The following TP53I13 variants were observed in gnomAD, a reference collection of about 807,000 sequenced individuals.
TP53I13 encodes tumor protein p53 inducible protein 13.
In TP53I13, 27 loss-of-function variants were observed where a neutral mutation model predicts 39.1. The observed-to-expected ratio is 0.69, with a 90% confidence interval of 0.51 to 0.95. The LOEUF (loss-of-function observed/expected upper bound fraction) is 0.95, where lower values mean the gene tolerates loss of function less well. Among genes scored for constraint, TP53I13 ranks in the 40% least tolerant of loss-of-function variants. The pLI is 0.00. For missense variants in TP53I13, 544 were observed against 520.4 expected, an observed-to-expected ratio of 1.05 and a Z score of -0.44; for synonymous variants, 230 against 224.6, an observed-to-expected ratio of 1.02 and a Z score of -0.22.
downstream of TP53I13, chr17:29,576,556 C>A (rs1164795361): frequency 7.4e-6 from 12 of 1,614,004 alleles, no homozygotes; most frequent in Non-Finnish European, 1.0e-5. Context: ...GTCGCTCAGG[C>A]TACTGTTGAC....
In TP53I13 at chr17:29,568,728, G is replaced by A. The variant is rs2032800321; in HGVS notation, c.-31G>A. ...GCGCTCCCTCGCTGGCGGAGCGGCT[G>A]GGCGGCGGGCCGGGCCCGGGGCCGC... On this transcript the variant is annotated 5_prime_UTR_variant, in exon 1 of 7. Transcript: ENST00000301057. This position sits in a 1 kb window ranked among gnomAD's most constrained non-coding sequence, Gnocchi z 4.5. 2 of 1,441,894 alleles carry A rather than the reference G, an allele frequency of 1.4e-6. No homozygotes were observed. Among genetic ancestry groups the A allele is most frequent in the Non-Finnish European group, 1.8e-6 (2 of 1,102,184 alleles). The allele number at this position is 1,441,894 out of a possible 1,614,324, so 89.3% of individuals were successfully genotyped here.
At chr17:29,575,535 G>A, downstream of TP53I13, 8 of 1,563,742 alleles carry the variant, frequency 5.1e-6, no homozygotes, top group Non-Finnish European at 7.0e-6. This position sits in a 1 kb window ranked among gnomAD's most constrained non-coding sequence, Gnocchi z 5.5. Flanking sequence ...TCCAGCCTCG[G>A]AGCCGCCCGC....
At chr17:29,570,569 A>T (rs1445765290) in intron 3 of TP53I13, 2 of 151,788 alleles carry the variant, frequency 1.3e-5, no homozygotes, top group African/African-American at 4.8e-5. Flanking sequence ...GCCACCTATC[A>T]GATTCCTTTC....
chr17:29,577,165 T>G, downstream of TP53I13: 1 of 1,613,920 alleles, frequency 6.2e-7, no homozygotes, highest in African/African-American at 1.3e-5. Context: ...CTTGCCCTGC[T>G]GTCTCCGCTT....
chr17:29,569,511 G>GCCCAGGACAGATCAGC, intron 3 of TP53I13, 152 bp downstream of exon 3: 7 of 686,838 alleles, frequency 1.0e-5, no homozygotes, highest in Non-Finnish European at 1.7e-5. Context: ...CCACCTCCAA[G>GCCCAGGACAGATCAGC]CCCAGGACAG....
chr17:29,577,541 T>C (rs2033255118), downstream of TP53I13: 3 of 810,344 alleles, frequency 3.7e-6, no homozygotes, highest in Non-Finnish European at 6.5e-6. Flanking sequence ...AGGGAGGCCC[T>C]GGCAAATGCT....
At chr17:29,574,984 CTG>C (rs1343782815), downstream of TP53I13, 8 of 1,488,390 alleles carry the variant, frequency 5.4e-6, no homozygotes, top group African/African-American at 5.6e-5. Flanking sequence ...CCCAGTTTGT[CTG>C]TGTCTCCACC....
downstream of TP53I13, chr17:29,576,793 G>A (rs2033221499): frequency 6.3e-7 from 1 of 1,576,126 alleles, no homozygotes; most frequent in Non-Finnish European, 8.6e-7. Context: ...GCTACAAGAG[G>A]ACAGAGCTGG....
At chr17:29,578,634 A>T in the TP53I13 span, 1 of 1,130,070 alleles carries the variant, frequency 8.8e-7, no homozygotes, top group Non-Finnish European at 1.4e-6. Context: ...GACTTGGAAA[A>T]GGTCATCGAG....
Position 29,568,777 on chromosome 17 carries a change from T to A in TP53I13, c.19T>A (p.Ser7Thr). Residue 7 changes from serine (S) to threonine (T), a missense_variant, in exon 1 of 7, where the codon TCG becomes ACG. By Grantham distance (58) the Ser-to-Thr change is moderately conservative. Coordinates refer to ENST00000301057, the MANE Select transcript of TP53I13 (RefSeq NM_138349.4). The surrounding 1 kb of genome is among the most constrained non-coding windows in gnomAD (Gnocchi z 4.5). Reference sequence around the variant, plus strand: ...GCTTGGAATGGCGCCTCCTCCGCCTTCGCCCCAACTGCTTCTCCTGGCAGC... The same window carrying A: ...GCTTGGAATGGCGCCTCCTCCGCCTACGCCCCAACTGCTTCTCCTGGCAGC... MAPPPP[S>T]PQLLLLAALA... The A allele has an allele frequency of 6.3e-7, 1 of 1,594,768 alleles. No homozygotes were observed. The highest frequency in any genetic ancestry group is 8.5e-7 in the Non-Finnish European group (1 of 1,177,898).
At chr17:29,578,998 G>A in the TP53I13 span, 2 of 1,613,738 alleles carry the variant, frequency 1.2e-6, no homozygotes, top group Non-Finnish European at 1.7e-6. Flanking sequence ...TCTAAGTCCA[G>A]AGGAAGGCAG....
chr17:29,567,153 C>G (rs910632563), upstream of TP53I13: 1 of 248,286 alleles, frequency 4.0e-6, no homozygotes, highest in African/African-American at 2.3e-5. The surrounding 1 kb of genome is among the most constrained non-coding windows in gnomAD (Gnocchi z 6.6). Flanking sequence ...GCCCGCCCCC[C>G]ACCCCCGCCC....
rs1598558370 is a variant in TP53I13, at chr17:29,573,140, T to A, written c.*216T>A. On this transcript the variant is annotated 3_prime_UTR_variant, in exon 7 of 7. Coordinates refer to ENST00000301057, the MANE Select transcript of TP53I13 (RefSeq NM_138349.4). ...CCCTTGCCAAAACTCCGTTTCTAATTAAATTATTTTTAGTAGACTCTGGAG... is the reference window on the plus strand; with the variant it reads ...CCCTTGCCAAAACTCCGTTTCTAATAAAATTATTTTTAGTAGACTCTGGAG... The A allele has an allele frequency of 7.1e-6, 3 of 423,612 alleles. No homozygotes were observed. In the East Asian group the frequency reaches 1.2e-4, roughly 16 times the overall value. The allele number at this position is 423,612 out of a possible 1,614,324, so 26.2% of individuals were successfully genotyped here.
downstream of TP53I13, chr17:29,575,274 C>A (rs772732892): frequency 1.9e-6 from 3 of 1,603,990 alleles, no homozygotes; most frequent in South Asian, 2.2e-5. The surrounding 1 kb of genome is among the most constrained non-coding windows in gnomAD (Gnocchi z 5.5). Flanking sequence ...CTCACCTCCC[C>A]CTCCACTCAG....
chr17:29,580,294 A>C, the TP53I13 span, among the ~76,000 whole-genome samples: 1 of 152,232 alleles, frequency 6.6e-6, no homozygotes. Flanking sequence ...ATGCACACAC[A>C]ACCCAGGTAG....
At chr17:29,574,128 G>GA (rs1157824593), downstream of TP53I13, 313 of 140,686 alleles carry the variant, frequency 2.2e-3, no homozygotes, top group Middle Eastern at 7.1e-3. Context: ...GAAGAAGAAA[G>GA]AAAAAAAAAA....
At chr17:29,580,600 C>G in the TP53I13 span, among the ~76,000 whole-genome samples, 1 of 152,172 alleles carries the variant, frequency 6.6e-6, no homozygotes, top group Non-Finnish European at 1.5e-5. Context: ...GCGCACGTGC[C>G]TAATTCTGAG....
At chr17:29,569,247 C>T in intron 2 of TP53I13, 71 bp from the exon 3 acceptor site, 2 of 1,553,158 alleles carry the variant, frequency 1.3e-6, no homozygotes, top group Non-Finnish European at 1.8e-6. Flanking sequence ...TTGGGGCCTG[C>T]CGTCCCCTCC....
the TP53I13 span, chr17:29,582,232 A>G: frequency 8.0e-6 from 8 of 995,000 alleles, no homozygotes; most frequent in African/African-American, 9.5e-5. Context: ...CCCCTGGGAC[A>G]CCTAGCAGCT....
Sources: allele counts gnomAD v4.1 joint callset (sites outside exome capture counted in the v4.1 genomes callset), GRCh38; gene constraint gnomAD v4.1.1; non-coding constraint Gnocchi (gnomAD v3.1); transcripts MANE v1.5; gene names NCBI Gene and HGNC (gene_info 2026-07-23, HGNC 2026-07-21).